Variants in FAM184A observed in about 807,000 individuals in gnomAD.
The protein encoded by FAM184A is family with sequence similarity 184 member A.
FAM184A carries 99 observed loss-of-function variants against 143.8 expected under a neutral mutation model. That is an observed-to-expected ratio of 0.69 (90% CI 0.58 to 0.81). FAM184A has a LOEUF of 0.81. FAM184A is among the 40% of genes least tolerant of loss of function. FAM184A has a pLI of 0.00. For synonymous variants in FAM184A, 427 were observed against 446.4 expected, an observed-to-expected ratio of 0.96 and a Z score of 0.55; for missense variants, 1,217 against 1,310.5, an observed-to-expected ratio of 0.93 and a Z score of 1.10.
chr6:119,099,531 G>A (rs773007966), intron 1 of FAM184A, among the ~76,000 whole-genome samples: 3 of 152,014 alleles, frequency 2.0e-5, no homozygotes, highest in Non-Finnish European at 2.9e-5. Flanking sequence ...GTCCTGCTCC[G>A]TATCCTGGAA....
intron 1 of FAM184A, among the ~76,000 whole-genome samples, chr6:119,101,497 A>G (rs1007251878): frequency 1.3e-5 from 2 of 152,220 alleles, no homozygotes; most frequent in Non-Finnish European, 2.9e-5. Flanking sequence ...CTGTAAGGCC[A>G]TAAATCAAGC....
At chr6:119,064,055 C>T (rs1238530913) in intron 1 of FAM184A, among the ~76,000 whole-genome samples, 24 of 152,158 alleles carry the variant, frequency 1.6e-4, no homozygotes, top group Admixed American at 1.6e-3. Context: ...TTATCCACCT[C>T]TGAAGTCTTC....
Position 118,961,980 on chromosome 6 carries a change from A to T in FAM184A, c.3139-17T>A. The T allele has an allele frequency of 6.2e-7, 1 of 1,607,720 alleles. No individual in the cohort carries two copies. Among genetic ancestry groups the T allele is most frequent in the South Asian group, 1.1e-5 (1 of 90,956 alleles). On this transcript the variant is annotated splice_polypyrimidine_tract_variant and intron_variant, in intron 16 of 17. Coordinates refer to ENST00000338891, the MANE Select transcript of FAM184A (RefSeq NM_024581.6). Reference sequence around the variant, plus strand: ...CTTCTTTTGCTGCATTAAAAATAATACATGTGAGGATAGTCCCTGCATGAG... The same window carrying T: ...CTTCTTTTGCTGCATTAAAAATAATTCATGTGAGGATAGTCCCTGCATGAG...
intron 1 of FAM184A, among the ~76,000 whole-genome samples, chr6:119,091,476 C>T (rs1199258899): frequency 6.6e-6 from 1 of 152,162 alleles, no homozygotes; most frequent in Non-Finnish European, 1.5e-5. Context: ...AGTTCAGCAA[C>T]TTGTGGATAC....
intron 1 of FAM184A, among the ~76,000 whole-genome samples, chr6:119,145,390 C>A (rs1301597996): frequency 2.0e-5 from 3 of 152,150 alleles, no homozygotes; most frequent in Non-Finnish European, 4.4e-5. Context: ...ATACACCCTT[C>A]TGTCATTAAA....
At chr6:118,996,042 C>T (rs1237872581) in intron 9 of FAM184A, among the ~76,000 whole-genome samples, 3 of 152,214 alleles carry the variant, frequency 2.0e-5, no homozygotes, top group Non-Finnish European at 4.4e-5. Context: ...ATAGTTCCAT[C>T]TCTTCATTCT....
At chr6:119,142,076 G>T (rs1027129735) in intron 1 of FAM184A, among the ~76,000 whole-genome samples, 5 of 152,308 alleles carry the variant, frequency 3.3e-5, no homozygotes, top group Non-Finnish European at 5.9e-5. Context: ...CCATTTAGCA[G>T]CAATATAGTT....
intron 9 of FAM184A, among the ~76,000 whole-genome samples, chr6:118,990,586 A>G (rs1322319319): frequency 1.1e-5 from 1 of 93,370 alleles, no homozygotes; most frequent in African/African-American, 4.1e-5. Context: ...AATACTAATT[A>G]GGCACATGGT....
At chr6:119,107,792 A>AAAAAAAAAAAAAAG (rs763545394) in intron 1 of FAM184A, among the ~76,000 whole-genome samples, 2 of 136,454 alleles carry the variant, frequency 1.5e-5, no homozygotes, top group Non-Finnish European at 3.1e-5. Flanking sequence ...AAAAAAAAAA[A>AAAAAAAAAAAAAAG]AAAGAAAGAA....
chr6:119,100,289 A>G (rs1189812011), intron 1 of FAM184A, among the ~76,000 whole-genome samples: 1 of 152,170 alleles, frequency 6.6e-6, no homozygotes, highest in Admixed American at 6.5e-5. Context: ...GCATTGTACA[A>G]TGCAATGTAC....
At chr6:119,032,661 G>A (rs1305455026) in intron 1 of FAM184A, among the ~76,000 whole-genome samples, 4 of 151,230 alleles carry the variant, frequency 2.6e-5, no homozygotes, top group Admixed American at 2.6e-4. Context: ...AAGGGAGGGA[G>A]CAGGGAGGTG....
At chr6:119,009,775 G>C (rs868375120) in intron 6 of FAM184A, among the ~76,000 whole-genome samples, 1 of 152,128 alleles carries the variant, frequency 6.6e-6, no homozygotes, top group Non-Finnish European at 1.5e-5. Flanking sequence ...TCTGTCCATA[G>C]TAGTAGGGAC....
At chr6:118,987,531 A>G (rs969215333) in intron 9 of FAM184A, among the ~76,000 whole-genome samples, 16 of 152,208 alleles carry the variant, frequency 1.1e-4, no homozygotes, top group Non-Finnish European at 2.2e-4. Context: ...CTGAGTGTAC[A>G]TAAGTAAAGA....
chr6:119,033,738 T>C (rs1279167821), intron 1 of FAM184A, among the ~76,000 whole-genome samples: 1 of 149,026 alleles, frequency 6.7e-6, no homozygotes, highest in African/African-American at 2.5e-5. Flanking sequence ...ACACCTGTAA[T>C]CCCAGGACTT....
intron 1 of FAM184A, among the ~76,000 whole-genome samples, chr6:119,121,699 G>C (rs989660062): frequency 1.3e-5 from 2 of 152,160 alleles, no homozygotes; most frequent in African/African-American, 4.8e-5. Flanking sequence ...TAACCCATCA[G>C]CTATATCACT....
At chr6:119,007,150 G>A (rs912771364) in intron 6 of FAM184A, among the ~76,000 whole-genome samples, 16 of 151,976 alleles carry the variant, frequency 1.1e-4, no homozygotes, top group Admixed American at 8.5e-4. Flanking sequence ...TTATACACTC[G>A]AAATTAGAAG....
chr6:119,087,464 A>T (rs1211937667), intron 1 of FAM184A, among the ~76,000 whole-genome samples: 1 of 152,222 alleles, frequency 6.6e-6, no homozygotes, highest in Non-Finnish European at 1.5e-5. Flanking sequence ...AGATATACAG[A>T]TGGCTAATAA....
chr6:118,981,896 A>G (rs13209700), intron 9 of FAM184A, among the ~76,000 whole-genome samples: 24,230 of 152,166 alleles, frequency 0.16, 1,919 homozygotes, highest in South Asian at 0.18. Flanking sequence ...AATTCTGCTT[A>G]TTAATTTCTA....
chr6:118,995,718 A>C (rs1284831459), intron 9 of FAM184A, among the ~76,000 whole-genome samples: 3 of 152,184 alleles, frequency 2.0e-5, no homozygotes, highest in Non-Finnish European at 4.4e-5. Flanking sequence ...TTTCTCAGAG[A>C]CTCGGTCTAA....
Sources: allele counts gnomAD v4.1 joint callset (sites outside exome capture counted in the v4.1 genomes callset), GRCh38; gene constraint gnomAD v4.1.1; transcripts MANE v1.5; gene names NCBI Gene and HGNC (gene_info 2026-07-23, HGNC 2026-07-21).